Variants in CNTNAP2 observed in about 807,000 individuals in gnomAD.
CNTNAP2 encodes contactin-associated protein-like 2.
In CNTNAP2, 98 loss-of-function variants were observed where a neutral mutation model predicts 155.2. That is an observed-to-expected ratio of 0.63 (90% CI 0.54 to 0.75). CNTNAP2 has a LOEUF of 0.75. Among genes scored for constraint, CNTNAP2 ranks in the 30% least tolerant of loss-of-function variants. The pLI, the probability that CNTNAP2 is intolerant of heterozygous loss-of-function variation, is 0.00. For missense variants in CNTNAP2, 1,727 were observed against 1,688.1 expected (o/e 1.02, Z -0.40); for synonymous variants, 651 against 631.2 (o/e 1.03, Z -0.47).
chr7:147,881,566 G>A (rs1035738235), intron 13 of CNTNAP2, among the ~76,000 whole-genome samples: 3 of 152,214 alleles, frequency 2.0e-5, no homozygotes, highest in South Asian at 2.1e-4. Flanking sequence ...CAGTGTGACC[G>A]AGGCTCCAAT....
intron 1 of CNTNAP2, among the ~76,000 whole-genome samples, chr7:146,371,448 A>G (rs1359852910): frequency 1.4e-5 from 2 of 139,888 alleles, no homozygotes; most frequent in Admixed American, 1.6e-4. Flanking sequence ...CGCTCACTGC[A>G]AGCTCCGCCT....
At chr7:147,023,168 T>A (rs926777286) in intron 3 of CNTNAP2, among the ~76,000 whole-genome samples, 5 of 152,130 alleles carry the variant, frequency 3.3e-5, no homozygotes, top group Non-Finnish European at 1.5e-5. Context: ...AAGCCTGAGA[T>A]GAACACGGGC....
At chr7:147,072,523 T>G (rs527237161) in intron 4 of CNTNAP2, among the ~76,000 whole-genome samples, 1 of 152,294 alleles carries the variant, frequency 6.6e-6, no homozygotes, top group East Asian at 1.9e-4. Context: ...TCACAGGATA[T>G]GACTGCAGTG....
chr7:148,361,117 T>G (rs1798611206), intron 21 of CNTNAP2, among the ~76,000 whole-genome samples: 1 of 151,676 alleles, frequency 6.6e-6, no homozygotes, highest in Admixed American at 6.6e-5. Context: ...CTAGAGTTGT[T>G]TTAATTTTCT....
intron 12 of CNTNAP2, among the ~76,000 whole-genome samples, chr7:147,603,990 A>C (rs1040483318): frequency 6.6e-6 from 1 of 152,118 alleles, no homozygotes; most frequent in Non-Finnish European, 1.5e-5. Flanking sequence ...CCTATTTAAT[A>C]AATGGTGCTG....
intron 1 of CNTNAP2, among the ~76,000 whole-genome samples, chr7:146,234,475 C>T (rs1322178917): frequency 6.9e-6 from 1 of 145,080 alleles, no homozygotes; most frequent in Non-Finnish European, 1.5e-5. Context: ...AATTAGATCC[C>T]ATTTGTCAAT....
At chr7:147,215,451 ATG>A (rs1400158636) in intron 8 of CNTNAP2, among the ~76,000 whole-genome samples, 9 of 152,256 alleles carry the variant, frequency 5.9e-5, no homozygotes, top group African/African-American at 2.2e-4. Context: ...CTCATACAGT[ATG>A]TAGCCTTTTC....
intron 2 of CNTNAP2, among the ~76,000 whole-genome samples, chr7:146,786,613 A>G (rs1331664907): frequency 6.6e-6 from 1 of 152,204 alleles, no homozygotes; most frequent in East Asian, 1.9e-4. Context: ...AATATTGCTG[A>G]CAATAAAACA....
At chr7:147,868,061 C>T (rs779552000) in intron 13 of CNTNAP2, among the ~76,000 whole-genome samples, 2 of 147,940 alleles carry the variant, frequency 1.4e-5, no homozygotes, top group Non-Finnish European at 3.0e-5. Flanking sequence ...TTTTTCTGCT[C>T]TGGTTTCTCC....
At chr7:147,511,808 T>C (rs1390552358) in intron 11 of CNTNAP2, among the ~76,000 whole-genome samples, 1 of 152,170 alleles carries the variant, frequency 6.6e-6, no homozygotes, top group African/African-American at 2.4e-5. Context: ...CTTATGTCCA[T>C]TCTGGGCTGA....
At chr7:146,241,858 A>AC (rs1799568754) in intron 1 of CNTNAP2, among the ~76,000 whole-genome samples, 1 of 151,894 alleles carries the variant, frequency 6.6e-6, no homozygotes, top group African/African-American at 2.4e-5. Flanking sequence ...GCACACACAC[A>AC]AACATATATA....
At chr7:146,677,891 G>A (rs1800430582) in intron 1 of CNTNAP2, among the ~76,000 whole-genome samples, 1 of 152,066 alleles carries the variant, frequency 6.6e-6, no homozygotes, top group African/African-American at 2.4e-5. Context: ...GGGTTGGGAT[G>A]TGGAGTGTTG....
intron 10 of CNTNAP2, among the ~76,000 whole-genome samples, chr7:147,457,686 G>A (rs1407162070): frequency 1.3e-5 from 2 of 151,916 alleles, no homozygotes; most frequent in African/African-American, 4.8e-5. Context: ...ATTAATGAAT[G>A]AGCAAGCCCT....
chr7:146,614,157 G>T (rs1041179441), intron 1 of CNTNAP2, among the ~76,000 whole-genome samples: 2 of 152,102 alleles, frequency 1.3e-5, no homozygotes, highest in Non-Finnish European at 2.9e-5. Context: ...TTTTACTAGA[G>T]TTAACCTTTT....
intron 13 of CNTNAP2, among the ~76,000 whole-genome samples, chr7:147,730,206 C>A (rs752585391): frequency 4.6e-5 from 7 of 152,054 alleles, no homozygotes; most frequent in African/African-American, 9.7e-5. Context: ...AGATCTTGAA[C>A]AATTACGGTC....
chr7:148,113,897 C>A (rs954894869), intron 15 of CNTNAP2, among the ~76,000 whole-genome samples: 4 of 152,206 alleles, frequency 2.6e-5, no homozygotes, highest in Admixed American at 1.3e-4. Flanking sequence ...GTTGACTGAC[C>A]CTTCCAGTCT....
chr7:146,179,262 C>T (rs1187405098), intron 1 of CNTNAP2, among the ~76,000 whole-genome samples: 3 of 151,868 alleles, frequency 2.0e-5, no homozygotes, highest in East Asian at 1.9e-4. Context: ...GACAGGGTAT[C>T]GCCATGGATG....
At chr7:146,318,316 A>T (rs10229180) in intron 1 of CNTNAP2, among the ~76,000 whole-genome samples, 9,989 of 152,166 alleles carry the variant, frequency 0.066, 916 homozygotes, top group African/African-American at 0.2. Flanking sequence ...TACTAAAGCT[A>T]TAAAATAAAA....
intron 13 of CNTNAP2, among the ~76,000 whole-genome samples, chr7:147,841,769 T>C (rs149423945): frequency 1.8e-3 from 280 of 152,308 alleles, no homozygotes; most frequent in African/African-American, 6.1e-3. Flanking sequence ...TATTTATACA[T>C]AAATATAAAA....
Sources: gnomAD v4.1 joint callset for allele counts (sites outside exome capture counted in the v4.1 genomes callset) on GRCh38, gnomAD v4.1.1 for gene constraint, MANE v1.5 for transcripts, NCBI Gene and HGNC (gene_info 2026-07-23, HGNC 2026-07-21) for gene names.